Variants in USP53 observed in about 807,000 individuals in gnomAD.
USP53 encodes ubiquitin specific peptidase 53.
In USP53, 71 loss-of-function variants were observed where a neutral mutation model predicts 94.9. That is an observed-to-expected ratio of 0.75 (90% CI 0.62 to 0.91). USP53 has a LOEUF of 0.91. Ranked by LOEUF, USP53 falls within the 40% of genes least tolerant of loss-of-function variation. USP53 has a pLI of 0.00. For missense variants in USP53, 1,173 were observed against 1,281.0 expected (o/e 0.92, Z 1.29); for synonymous variants, 375 against 422.7 (o/e 0.89, Z 1.39).
Position 119,292,667 on chromosome 4 carries a change from ACT to A in USP53, c.2683_2684del (p.Leu895IlefsTer13). 1 of 1,614,038 alleles carries A rather than the reference ACT, an allele frequency of 6.2e-7. No individual in the cohort carries two copies. Among genetic ancestry groups the A allele is most frequent in the East Asian group, 2.2e-5 (1 of 44,874 alleles). On this transcript the variant is annotated frameshift_variant, in exon 19 of 19. Coordinates refer to ENST00000692078, the MANE Select transcript of USP53 (RefSeq NM_001371395.1). LOFTEE classifies it low-confidence loss of function (END_TRUNC). ...ATCATGGATCAATGTTACTTTGAGA[ACT>A]CTCTATCCACAGAATGTATAATTCG...
At chr4:119,228,265 G>A (rs189882655) in intron 3 of USP53, among the ~76,000 whole-genome samples, 1 of 152,250 alleles carries the variant, frequency 6.6e-6, no homozygotes, top group Non-Finnish European at 1.5e-5. Context: ...TTGTAGGAGC[G>A]AGGTTCCTGT....
At chr4:119,265,670 AAACAACAAC>A (rs56113456) in intron 12 of USP53, among the ~76,000 whole-genome samples, 5 of 150,412 alleles carry the variant, frequency 3.3e-5, no homozygotes, top group African/African-American at 9.8e-5. Context: ...CCTTTTCTCA[AAACAACAAC>A]AACAACAACA....
Position 119,292,784 on chromosome 4 carries a change from C to A in USP53, c.2795C>A (p.Thr932Asn), listed in dbSNP as rs1754908594. Residue 932 changes from threonine to asparagine, a missense_variant, in exon 19 of 19, where the codon ACC (threonine) becomes AAC (asparagine). Coordinates refer to ENST00000692078, the MANE Select transcript of USP53 (RefSeq NM_001371395.1). ...TTGCCACCAAAGAAATATGCTATAA[C>A]CAGTGTGCCACAGTCAGAGAAAAGC... ...PPLPPKKYAI[T>N]SVPQSEKSES... 6.2e-7 allele frequency: 1 copy of A among 1,613,966 alleles called. No individual in the cohort carries two copies. The highest frequency in any genetic ancestry group is 8.5e-7 in the Non-Finnish European group (1 of 1,179,948).
At chr4:119,255,466 C>A (rs1486184816) in intron 7 of USP53, among the ~76,000 whole-genome samples, 1 of 152,204 alleles carries the variant, frequency 6.6e-6, no homozygotes, top group Non-Finnish European at 1.5e-5. Flanking sequence ...AGACACCCCT[C>A]CCCTCAACCA....
chr4:119,293,053 C>G lies in USP53; in HGVS notation c.3064C>G (p.Leu1022Val). The G allele has an allele frequency of 6.2e-7, 1 of 1,614,106 alleles. No individual in the cohort carries two copies. The highest frequency in any genetic ancestry group is 8.5e-7 in the Non-Finnish European group (1 of 1,179,968). ...GAIDAFCQPE[L>V]DSISTCPNET... ...CATTGATGCATTTTGCCAACCAGAA[C>G]TAGACTCTATTTCTACCTGTCCAAA... is the stretch of plus-strand genomic sequence containing the variant. Residue 1022 changes from leucine to valine, a missense_variant, in exon 19 of 19, where the codon CTA (leucine) becomes GTA (valine). By Grantham distance (32) the Leu-to-Val change is conservative (BLOSUM62 1). Transcript: ENST00000692078.
At chr4:119,270,060 T>C (rs958645789) in intron 15 of USP53, among the ~76,000 whole-genome samples, 4 of 145,964 alleles carry the variant, frequency 2.7e-5, no homozygotes, top group African/African-American at 7.5e-5. Flanking sequence ...ATTTATATAG[T>C]TTATATATAG....
chr4:119,267,895 C>T (rs1751350702), intron 13 of USP53, among the ~76,000 whole-genome samples: 1 of 152,164 alleles, frequency 6.6e-6, no homozygotes, highest in South Asian at 2.1e-4. Flanking sequence ...GGGCCGGGCG[C>T]GGTGGCTCAC....
At chr4:119,231,298 G>A (rs763681569) in intron 3 of USP53, among the ~76,000 whole-genome samples, 13 of 152,142 alleles carry the variant, frequency 8.5e-5, no homozygotes, top group Non-Finnish European at 1.3e-4. Context: ...TTTACTGGTA[G>A]AACCTAATAT....
intron 12 of USP53, among the ~76,000 whole-genome samples, chr4:119,264,428 A>T (rs1750871348): frequency 6.6e-6 from 1 of 152,230 alleles, no homozygotes; most frequent in African/African-American, 2.4e-5. Context: ...GAATAAAATG[A>T]CAAACCGTAT....
intron 17 of USP53, among the ~76,000 whole-genome samples, chr4:119,289,436 TGACTTCATA>T (rs1754488341): frequency 6.6e-6 from 1 of 152,190 alleles, no homozygotes; most frequent in South Asian, 2.1e-4. Context: ...GAAAATAGTT[TGACTTCATA>T]GACCCTCTGA....
chr4:119,231,364 C>T lies in USP53; in HGVS notation c.-664-3926C>T, dbSNP rs150144666. Among the ~76,000 whole-genome samples, 10 of 152,092 alleles carry T rather than the reference C, an allele frequency of 6.6e-5. No individual in the cohort carries two copies. In the East Asian group the frequency reaches 1.4e-3, roughly 21 times the overall value. On this transcript the variant is annotated intron_variant, in intron 3 of 18. Transcript: ENST00000692078. ...AGTATAGATTCTCAGTATTGGGTTT[C>T]GGAGGTTGAAGTGTGTTTTAATTTT...
At position 119,235,299 on chromosome 4, in the gene USP53, C is replaced by A. The variant is rs1746583362; in HGVS notation, c.-655C>A. On this transcript the variant is annotated 5_prime_UTR_variant, in exon 4 of 19. Transcript: ENST00000692078. ...TGTTGTTTGTTTTTAGAGACAGCAT[C>A]TTGCTGCCACCCAGGCTGGAGTGCA... 1 of 152,244 alleles carries A rather than the reference C, an allele frequency of 6.6e-6. No individual in the cohort carries two copies. The highest frequency in any genetic ancestry group is 1.5e-5 in the Non-Finnish European group (1 of 68,094). 9.4% of individuals were successfully genotyped at this position (152,244 alleles called of 1,614,324 possible). A position where few individuals can be genotyped will look rare whatever the true frequency, so the allele number is the denominator to read the frequency against.
At chr4:119,264,925 A>T (rs759314205) in intron 12 of USP53, among the ~76,000 whole-genome samples, 4 of 152,254 alleles carry the variant, frequency 2.6e-5, no homozygotes, top group Non-Finnish European at 5.9e-5. Context: ...GGATGAACAA[A>T]TTGTGGTATA....
intron 1 of USP53, 164 bp downstream of exon 1, chr4:119,213,037 T>G (rs1336747688): frequency 6.5e-6 from 1 of 154,262 alleles, no homozygotes; most frequent in Non-Finnish European, 1.4e-5. Flanking sequence ...CTCTCTTTGC[T>G]GGGCGGTTCA....
chr4:119,226,300 C>T (rs1360458446), intron 3 of USP53, among the ~76,000 whole-genome samples: 1 of 152,130 alleles, frequency 6.6e-6, no homozygotes, highest in Non-Finnish European at 1.5e-5. Flanking sequence ...TGGCATTGTA[C>T]AGGACGTCCT....
At chr4:119,270,592 C>T (rs1578527802) in intron 15 of USP53, among the ~76,000 whole-genome samples, 1 of 152,098 alleles carries the variant, frequency 6.6e-6, no homozygotes, top group Non-Finnish European at 1.5e-5. Flanking sequence ...TGAAGGGACT[C>T]CTTTTCTGGC....
intron 15 of USP53, 97 bp downstream of exon 15, chr4:119,269,934 TAA>T (rs1751638558): frequency 1.8e-6 from 1 of 559,458 alleles, no homozygotes; most frequent in East Asian, 7.1e-5. Flanking sequence ...ATATGTTAAA[TAA>T]TATATATTAA....
In USP53 at chr4:119,271,980, A is replaced by G; in HGVS notation, c.2120A>G (p.Asp707Gly). 1 of 1,613,244 alleles carries G rather than the reference A, an allele frequency of 6.2e-7. No individual in the cohort carries two copies. The part of the protein sequence containing the change: ...GSTNLDSPVI[D>G]GNGTVMDISG... Reference sequence around the variant, plus strand: ...ACTAATTTGGACTCACCTGTTATCGATGGAAATGGTACAGTAATGGATATC... The same window carrying G: ...ACTAATTTGGACTCACCTGTTATCGGTGGAAATGGTACAGTAATGGATATC... Residue 707 changes from aspartate to glycine, a missense_variant, in exon 16 of 19, where the codon GAT becomes GGT. Physicochemically the swap from Asp to Gly is moderately conservative, Grantham distance 94. Transcript: ENST00000692078.
At chr4:119,249,421 A>G (rs747429649) in intron 7 of USP53, among the ~76,000 whole-genome samples, 1 of 152,150 alleles carries the variant, frequency 6.6e-6, no homozygotes, top group Non-Finnish European at 1.5e-5. Context: ...TACTTTATAC[A>G]TGTAAAATAG....
Sources: gnomAD v4.1 joint callset for allele counts (sites outside exome capture counted in the v4.1 genomes callset) on GRCh38, gnomAD v4.1.1 for gene constraint, MANE v1.5 for transcripts, NCBI Gene and HGNC (gene_info 2026-07-23, HGNC 2026-07-21) for gene names.